The following WWC2 variants were observed in gnomAD, a reference collection of about 807,000 sequenced individuals.
WWC2 encodes WW and C2 domain containing 2.
In WWC2, 101 loss-of-function variants were observed where a neutral mutation model predicts 138.5. That is an observed-to-expected ratio of 0.73 (90% CI 0.62 to 0.86). The LOEUF is 0.86. Among genes scored for constraint, WWC2 ranks in the 40% least tolerant of loss-of-function variants. The probability of loss-of-function intolerance (pLI) is 0.00; values close to 1 mark genes in which losing one functional copy is unlikely to be tolerated. For synonymous variants in WWC2, 558 were observed against 538.4 expected (o/e 1.04, Z -0.50); for missense variants, 1,420 against 1,419.4 (o/e 1.00, Z -0.01).
chr4:183,207,081 T>C (rs1178584886), intron 2 of WWC2, among the ~76,000 whole-genome samples: 1 of 152,190 alleles, frequency 6.6e-6, no homozygotes, highest in East Asian at 1.9e-4. Flanking sequence ...AGCATGTGAA[T>C]GCTGTTGCAG....
intron 1 of WWC2, among the ~76,000 whole-genome samples, chr4:183,155,096 A>G (rs545325950): frequency 1.5e-4 from 22 of 146,056 alleles, no homozygotes; most frequent in African/African-American, 5.6e-4. Flanking sequence ...TTGACATTCA[A>G]ACATGAAGGA....
At chr4:183,260,045 A>G (rs1361020673) in intron 10 of WWC2, among the ~76,000 whole-genome samples, 1 of 152,204 alleles carries the variant, frequency 6.6e-6, no homozygotes, top group Non-Finnish European at 1.5e-5. Context: ...AAATAGCCAT[A>G]GATTTCCTTA....
chr4:183,215,029 C>T (rs1484061193), intron 4 of WWC2, among the ~76,000 whole-genome samples: 1 of 152,122 alleles, frequency 6.6e-6, no homozygotes, highest in Non-Finnish European at 1.5e-5. Context: ...TACAGTAGCT[C>T]CCCTTTATTC....
At chr4:183,167,103 A>G (rs1468227613) in intron 1 of WWC2, among the ~76,000 whole-genome samples, 1 of 152,218 alleles carries the variant, frequency 6.6e-6, no homozygotes, top group Non-Finnish European at 1.5e-5. Context: ...AACATGGGAC[A>G]TCTCTGAGGA....
intron 8 of WWC2, among the ~76,000 whole-genome samples, chr4:183,251,082 T>G (rs1736964984): frequency 6.6e-6 from 1 of 152,266 alleles, no homozygotes; most frequent in Non-Finnish European, 1.5e-5. Context: ...TTAGGCGATC[T>G]GAACAGCAAT....
chr4:183,124,664 A>G (rs1579961507), intron 1 of WWC2, among the ~76,000 whole-genome samples: 1 of 146,000 alleles, frequency 6.8e-6, no homozygotes, highest in Admixed American at 7.1e-5. Flanking sequence ...ATCTCGGCTC[A>G]CTGCAACCTC....
At chr4:183,213,758 G>T (rs1735673971) in intron 4 of WWC2, among the ~76,000 whole-genome samples, 1 of 152,034 alleles carries the variant, frequency 6.6e-6, no homozygotes, top group African/African-American at 2.4e-5. Flanking sequence ...TTTAAAGCTG[G>T]TGTTTAATTG....
chr4:183,273,171 T>G (rs1737747331), intron 16 of WWC2, among the ~76,000 whole-genome samples: 1 of 152,160 alleles, frequency 6.6e-6, no homozygotes, highest in South Asian at 2.1e-4. Flanking sequence ...TGGCTTTGAT[T>G]GACATTTCCC....
At chr4:183,229,777 G>T (rs1736187313) in intron 4 of WWC2, among the ~76,000 whole-genome samples, 3 of 152,040 alleles carry the variant, frequency 2.0e-5, no homozygotes, top group African/African-American at 4.8e-5. Context: ...CACAGACTGG[G>T]GGCAACTAAG....
rs150185381 is a variant in WWC2, at chr4:183,263,986, C to G, written c.1910-992C>G. Among the ~76,000 whole-genome samples, 356 of 152,234 alleles carry G rather than the reference C, an allele frequency of 2.3e-3. 11 individuals carry two copies. In the East Asian group the frequency reaches 0.061, roughly 26 times the overall value. ...CGTTGGAATAACTGCAAAGGCCTTC[C>G]GCAGTCAGTCACTGTCATTGTCAAA... On this transcript the variant is annotated intron_variant, in intron 11 of 22. Coordinates refer to ENST00000403733, the MANE Select transcript of WWC2 (RefSeq NM_024949.6).
intron 1 of WWC2, among the ~76,000 whole-genome samples, chr4:183,156,395 G>C (rs1733806446): frequency 7.1e-6 from 1 of 140,884 alleles, no homozygotes; most frequent in South Asian, 2.2e-4. Flanking sequence ...TAGTGCAGTG[G>C]CACAATCTCG....
intron 4 of WWC2, among the ~76,000 whole-genome samples, chr4:183,225,703 T>A (rs1736048640): frequency 6.6e-6 from 1 of 152,240 alleles, no homozygotes; most frequent in East Asian, 1.9e-4. Context: ...TAGTGCTTCA[T>A]GTATGCCAGA....
intron 1 of WWC2, among the ~76,000 whole-genome samples, chr4:183,182,698 A>T (rs1037095991): frequency 3.9e-5 from 6 of 152,216 alleles, no homozygotes; most frequent in African/African-American, 9.6e-5. Flanking sequence ...ATTCATTATG[A>T]TACAGAATGT....
At chr4:183,268,934 G>A (rs747340846) in intron 14 of WWC2, 37 bp from the exon 15 acceptor site, 4 of 1,559,364 alleles carry the variant, frequency 2.6e-6, no homozygotes, top group Non-Finnish European at 1.7e-6. Flanking sequence ...TATAATTAAA[G>A]TACCTATGAA....
chr4:183,312,531 T>A, intron 22 of WWC2, 63 bp downstream of exon 22: 1 of 1,603,096 alleles, frequency 6.2e-7, no homozygotes. Context: ...GTGTAGGAAT[T>A]CACCTCAGTG....
rs61599876 is a variant in WWC2 at position 183,172,556 on chromosome 4, GTTTTT to G, written c.132-21029_132-21025del. ...GAGGTCTGATGCTTTTATGTTTCTTGTTTTTTTTTTTTTTTTTTGTTATTGTTATT... is the reference window on the plus strand; with the variant it reads ...GAGGTCTGATGCTTTTATGTTTCTTGTTTTTTTTTTTTTGTTATTGTTATT... On this transcript the variant is annotated intron_variant, in intron 1 of 22. Transcript: ENST00000403733. Among the ~76,000 whole-genome samples the G allele has an allele frequency of 6.3e-3, 711 of 113,054 alleles. 8 individuals are homozygous for G. Among genetic ancestry groups the G allele is most frequent in the African/African-American group, 0.022 (665 of 30,392 alleles). 74.2% of individuals were successfully genotyped at this position (113,054 alleles called of 152,430 possible).
At chr4:183,214,894 C>T (rs888403639) in intron 4 of WWC2, among the ~76,000 whole-genome samples, 1 of 152,126 alleles carries the variant, frequency 6.6e-6, no homozygotes, top group Non-Finnish European at 1.5e-5. Flanking sequence ...ATTTAGCTTA[C>T]ATTTCAAGTT....
At chr4:183,204,973 A>AT (rs1735407856) in intron 2 of WWC2, among the ~76,000 whole-genome samples, 1 of 152,234 alleles carries the variant, frequency 6.6e-6, no homozygotes, top group Non-Finnish European at 1.5e-5. Flanking sequence ...ATTTTATTGT[A>AT]TGGATATACC....
At chr4:183,232,117 G>T (rs1425641329) in intron 4 of WWC2, among the ~76,000 whole-genome samples, 2 of 152,174 alleles carry the variant, frequency 1.3e-5, no homozygotes, top group African/African-American at 4.8e-5. Context: ...GAAGCCATTT[G>T]ACCATATGTT....
Sources: gnomAD v4.1 joint callset for allele counts (sites outside exome capture counted in the v4.1 genomes callset) on GRCh38, gnomAD v4.1.1 for gene constraint, MANE v1.5 for transcripts, NCBI Gene and HGNC (gene_info 2026-07-23, HGNC 2026-07-21) for gene names.